IQCJ: variants seen among roughly 807,000 people sequenced by gnomAD.
IQCJ encodes the protein IQ motif containing J, also known as IQ domain-containing protein J.
Under a neutral mutation model 11.0 loss-of-function variants are expected in IQCJ, and 9 were observed. The ratio of observed to expected loss-of-function variants is 0.82; its 90% CI spans 0.49 to 1.43. The LOEUF is 1.43. Among genes scored for constraint, IQCJ ranks in the 40% most tolerant of loss-of-function variants. The pLI is 0.00. For synonymous variants in IQCJ, 55 were observed against 51.3 expected, an observed-to-expected ratio of 1.07 and a Z score of -0.31; for missense variants, 146 against 133.2, an observed-to-expected ratio of 1.10 and a Z score of -0.47.
chr3:159,089,175 A>G (rs1315906029), intron 1 of IQCJ, among the ~76,000 whole-genome samples: 3 of 152,042 alleles, frequency 2.0e-5, no homozygotes, highest in African/African-American at 7.2e-5. Context: ...TCCTTCACTT[A>G]TGAAGCTTAG....
At chr3:159,138,603 T>C (rs1720428889) in intron 1 of IQCJ, among the ~76,000 whole-genome samples, 1 of 152,372 alleles carries the variant, frequency 6.6e-6, no homozygotes. Flanking sequence ...TAAACACCTG[T>C]ACTGGTTTGG....
intron 2 of IQCJ, 111 bp from the exon 3 acceptor site, chr3:159,252,616 C>A (rs1727665636): frequency 2.1e-6 from 2 of 965,954 alleles, no homozygotes; most frequent in Non-Finnish European, 2.9e-6. Context: ...TTAAAATAAA[C>A]AAAATTGAAT....
At chr3:159,224,762 A>T (rs1274762270) in intron 1 of IQCJ, among the ~76,000 whole-genome samples, 1 of 152,186 alleles carries the variant, frequency 6.6e-6, no homozygotes, top group Non-Finnish European at 1.5e-5. Flanking sequence ...CAGACTGGCA[A>T]ACTCTACAGG....
In IQCJ at chr3:159,199,078, GT is replaced by G. The variant is rs1222355803; in HGVS notation, c.10-46763del. Among the ~76,000 whole-genome samples the G allele has an allele frequency of 5.9e-5, 9 of 152,280 alleles. No homozygotes were observed. The East Asian group carries it at 1.5e-3, about 26-fold the overall frequency. ...AAACATTGTGGTGGTAAGTTTAACT[GT>G]TGTGTATTCAGATAGTTGTAGTAGG... On this transcript the variant is annotated intron_variant, in intron 1 of 3. Coordinates refer to ENST00000397832, the MANE Select transcript of IQCJ (RefSeq NM_001042706.3).
At chr3:159,145,975 G>A (rs551242108) in intron 1 of IQCJ, among the ~76,000 whole-genome samples, 9 of 152,192 alleles carry the variant, frequency 5.9e-5, no homozygotes, top group East Asian at 3.9e-4. Flanking sequence ...CTATTTCTTC[G>A]AAGGCTACAT....
In IQCJ at chr3:159,211,809, C is replaced by T. The variant is rs138108898; in HGVS notation, c.10-34034C>T. 3.5e-4 allele frequency among the ~76,000 whole-genome samples: 53 copies of T among 151,572 alleles called. 1 individual carries two copies. In the East Asian group the frequency reaches 8.1e-3, roughly 23 times the overall value. On this transcript the variant is annotated intron_variant, in intron 1 of 3. Coordinates refer to ENST00000397832, the MANE Select transcript of IQCJ (RefSeq NM_001042706.3). The stretch of plus-strand genomic sequence containing the variant: ...AGTTTTGAAAGGAATGCTAGAGTGA[C>T]GATATACAATGTAGACAGAAGAGAA...
chr3:159,108,193 G>A (rs1039453873), intron 1 of IQCJ, among the ~76,000 whole-genome samples: 1 of 152,100 alleles, frequency 6.6e-6, no homozygotes, highest in African/African-American at 2.4e-5. Flanking sequence ...ATTTTATTTA[G>A]AGATTGTAAA....
intron 1 of IQCJ, among the ~76,000 whole-genome samples, chr3:159,107,438 G>A (rs1319063956): frequency 6.6e-6 from 1 of 152,116 alleles, no homozygotes; most frequent in Non-Finnish European, 1.5e-5. Context: ...TTTTTTATCA[G>A]CTATCCAGTT....
At chr3:159,153,367 C>A (rs938362259) in intron 1 of IQCJ, among the ~76,000 whole-genome samples, 6 of 152,146 alleles carry the variant, frequency 3.9e-5, no homozygotes, top group Non-Finnish European at 7.3e-5. Context: ...TAATGGATAC[C>A]CACAGCACAA....
At chr3:159,127,120 T>A (rs928665483) in intron 1 of IQCJ, among the ~76,000 whole-genome samples, 1 of 152,230 alleles carries the variant, frequency 6.6e-6, no homozygotes, top group Non-Finnish European at 1.5e-5. Context: ...AGGAATTCCA[T>A]GCAGTTGACA....
intron 1 of IQCJ, among the ~76,000 whole-genome samples, chr3:159,192,363 A>G (rs1043230434): frequency 6.6e-6 from 1 of 152,174 alleles, no homozygotes; most frequent in African/African-American, 2.4e-5. Flanking sequence ...TCCTGGTGCT[A>G]TAGGTCCAGT....
chr3:159,249,759 T>C (rs1456683999), intron 2 of IQCJ, among the ~76,000 whole-genome samples: 1 of 152,226 alleles, frequency 6.6e-6, no homozygotes, highest in Non-Finnish European at 1.5e-5. Context: ...TCAGAACAGT[T>C]GATTGGTTAT....
chr3:159,157,299 G>T (rs546626424), intron 1 of IQCJ, among the ~76,000 whole-genome samples: 23 of 152,312 alleles, frequency 1.5e-4, no homozygotes, highest in African/African-American at 5.1e-4. Flanking sequence ...CAATTGACCA[G>T]AATCACTTTT....
chr3:159,091,664 ACACACGCATG>A (rs1383318429), intron 1 of IQCJ, among the ~76,000 whole-genome samples: 28 of 49,218 alleles, frequency 5.7e-4, no homozygotes, highest in African/African-American at 1.7e-3. Context: ...ACACACACAC[ACACACGCATG>A]CACACACACA....
At chr3:159,175,965 G>A (rs4328854) in intron 1 of IQCJ, among the ~76,000 whole-genome samples, 20,401 of 152,100 alleles carry the variant, frequency 0.13, 1,536 homozygotes, top group Middle Eastern at 0.2. Flanking sequence ...CATCTTTGTT[G>A]ACACTTGAAA....
At chr3:159,083,038 C>T (rs1046949514) in intron 1 of IQCJ, among the ~76,000 whole-genome samples, 1 of 152,030 alleles carries the variant, frequency 6.6e-6, no homozygotes. Flanking sequence ...AATTTTGAAA[C>T]CTCGGATGAG....
chr3:159,112,524 A>G (rs1030177150), intron 1 of IQCJ, among the ~76,000 whole-genome samples: 13 of 152,178 alleles, frequency 8.5e-5, no homozygotes, highest in African/African-American at 3.1e-4. Flanking sequence ...CTTTGGAAAG[A>G]ACCTTAATAT....
intron 1 of IQCJ, among the ~76,000 whole-genome samples, chr3:159,084,912 T>TA (rs1716602197): frequency 1.4e-5 from 1 of 69,748 alleles, no homozygotes; most frequent in African/African-American, 4.4e-5. Context: ...ATGCATAAGT[T>TA]CTTTTTTTTT....
chr3:159,156,239 G>A (rs962395396), intron 1 of IQCJ, among the ~76,000 whole-genome samples: 2 of 152,188 alleles, frequency 1.3e-5, no homozygotes, highest in African/African-American at 4.8e-5. Flanking sequence ...TTCTGGAGGA[G>A]TTTCTAATTT....
Sources: gnomAD v4.1 joint callset for allele counts (sites outside exome capture counted in the v4.1 genomes callset) on GRCh38, gnomAD v4.1.1 for gene constraint, MANE v1.5 for transcripts, NCBI Gene and HGNC (gene_info 2026-07-23, HGNC 2026-07-21) for gene names.